The following IMMP1L variants were observed in gnomAD, a reference collection of about 807,000 sequenced individuals.
The protein encoded by IMMP1L is mitochondrial inner membrane protease subunit 1.
In IMMP1L, 24 loss-of-function variants were observed where a neutral mutation model predicts 21.8. The observed-to-expected ratio is 1.10, with a 90% CI of 0.80 to 1.55. IMMP1L has a LOEUF of 1.55. Ranked by LOEUF, IMMP1L falls within the 40% of genes most tolerant of loss-of-function variation. The probability of loss-of-function intolerance (pLI) is 0.00; values close to 1 mark genes in which losing one functional copy is unlikely to be tolerated. For synonymous variants in IMMP1L, 46 were observed against 62.8 expected (o/e 0.73, Z 1.26); for missense variants, 195 against 200.7 (o/e 0.97, Z 0.17).
In IMMP1L at chr11:31,500,888, C is replaced by T. The variant is rs78319158; in HGVS notation, c.-30+8631G>A. ...GTTGTAACAGAGACCATATGGACTA[C>T]AAGGCCTAAAATATTTACTATTTGG... On this transcript the variant is annotated intron_variant, in intron 1 of 5. Coordinates refer to ENST00000532287, the MANE Select transcript of IMMP1L (RefSeq NM_001304274.2). Among the ~76,000 whole-genome samples, 1,283 of 152,302 alleles carry T rather than the reference C, an allele frequency of 8.4e-3. 9 individuals are homozygous for T. Among genetic ancestry groups the T allele is most frequent in the Middle Eastern group, 0.027 (8 of 294 alleles).
chr11:31,445,090 T>C (rs1953469848), intron 4 of IMMP1L, among the ~76,000 whole-genome samples: 1 of 152,250 alleles, frequency 6.6e-6, no homozygotes, highest in South Asian at 2.1e-4. Flanking sequence ...CTCTGCACTT[T>C]CATTTTAATA....
intron 4 of IMMP1L, among the ~76,000 whole-genome samples, chr11:31,436,921 A>G (rs1454221348): frequency 1.3e-5 from 2 of 152,206 alleles, no homozygotes; most frequent in African/African-American, 4.8e-5. Flanking sequence ...TGAAATCCAT[A>G]CATGTTAATG....
intron 1 of IMMP1L, chr11:31,477,517 G>C: frequency 1.0e-6 from 1 of 983,332 alleles, no homozygotes; most frequent in South Asian, 4.7e-5. Context: ...TTTTGTTGTT[G>C]TTGTTTATAA....
intron 1 of IMMP1L, among the ~76,000 whole-genome samples, chr11:31,486,065 T>C (rs943610893): frequency 1.3e-5 from 2 of 151,692 alleles, no homozygotes; most frequent in African/African-American, 4.8e-5. Context: ...CCCTTTTTTT[T>C]TTTGTAATGA....
At position 31,463,255 on chromosome 11, in the gene IMMP1L, T is replaced by TC; in HGVS notation, c.21dup (p.Lys8GlufsTer21). 6.2e-7 allele frequency: 1 copy of TC among 1,612,606 alleles called. No homozygotes were observed. Among genetic ancestry groups the TC allele is most frequent in the Non-Finnish European group, 8.5e-7 (1 of 1,179,350 alleles). On this transcript the variant is annotated frameshift_variant, in exon 2 of 6. Coordinates refer to ENST00000532287, the MANE Select transcript of IMMP1L (RefSeq NM_001304274.2). LOFTEE classifies it high-confidence loss of function. The stretch of plus-strand genomic sequence containing the variant: ...GTATAGCCAACAAGTCGAAAGGTTT[T>TC]CCCCAGAACACCACGAAGCATAGTT...
chr11:31,472,833 T>A (rs1271505254), intron 1 of IMMP1L, among the ~76,000 whole-genome samples: 1 of 152,166 alleles, frequency 6.6e-6, no homozygotes, highest in East Asian at 1.9e-4. Flanking sequence ...AACAACCCTA[T>A]GAGAACTTAG....
intron 1 of IMMP1L, among the ~76,000 whole-genome samples, chr11:31,475,655 G>C (rs908497870): frequency 6.6e-6 from 1 of 152,156 alleles, no homozygotes; most frequent in African/African-American, 2.4e-5. Flanking sequence ...CTGACATCAT[G>C]AGTTGCCTGT....
chr11:31,466,817 T>A (rs1954372608), intron 1 of IMMP1L, among the ~76,000 whole-genome samples: 1 of 151,888 alleles, frequency 6.6e-6, no homozygotes, highest in African/African-American at 2.4e-5. Context: ...TACAGCTAGA[T>A]AGGAGGAATA....
intron 1 of IMMP1L, among the ~76,000 whole-genome samples, chr11:31,492,650 C>T (rs1955294413): frequency 6.6e-6 from 1 of 152,072 alleles, no homozygotes; most frequent in Admixed American, 6.6e-5. Context: ...ACTTAAAGAC[C>T]ACTTTAAAGA....
intron 5 of IMMP1L, among the ~76,000 whole-genome samples, chr11:31,432,984 G>A (rs1286027025): frequency 6.6e-6 from 1 of 152,152 alleles, no homozygotes; most frequent in Non-Finnish European, 1.5e-5. Context: ...ATTCATGAAT[G>A]TTTTTCTCCT....
At chr11:31,479,069 T>G (rs1332616767) in intron 1 of IMMP1L, among the ~76,000 whole-genome samples, 1 of 152,048 alleles carries the variant, frequency 6.6e-6, no homozygotes, top group Admixed American at 6.6e-5. Context: ...AAAGACTGAT[T>G]CATATACATT....
intron 1 of IMMP1L, among the ~76,000 whole-genome samples, chr11:31,493,443 C>G (rs2133798888): frequency 6.6e-6 from 1 of 152,074 alleles, no homozygotes; most frequent in South Asian, 2.1e-4. Context: ...TTACCTCCTA[C>G]CAGTTCCCTT....
At chr11:31,470,552 G>C (rs187815494) in intron 1 of IMMP1L, among the ~76,000 whole-genome samples, 105 of 151,642 alleles carry the variant, frequency 6.9e-4, no homozygotes, top group Non-Finnish European at 1.2e-3. Context: ...ATATTTTACA[G>C]GACATAAAAC....
chr11:31,460,436 A>AT (rs1160277044), intron 3 of IMMP1L, among the ~76,000 whole-genome samples, 190 bp downstream of exon 3: 1 of 152,214 alleles, frequency 6.6e-6, no homozygotes, highest in Non-Finnish European at 1.5e-5. Context: ...AAGACACTGC[A>AT]TATGTTTGAG....
At chr11:31,477,172 A>G (rs1954755690) in intron 1 of IMMP1L, 1 of 152,174 alleles carries the variant, frequency 6.6e-6, no homozygotes, top group African/African-American at 2.4e-5. Flanking sequence ...AGCAGTCAAA[A>G]ACAGGTAAAA....
chr11:31,489,974 C>T (rs1426653998), intron 1 of IMMP1L, among the ~76,000 whole-genome samples: 1 of 152,068 alleles, frequency 6.6e-6, no homozygotes, highest in East Asian at 1.9e-4. Flanking sequence ...TTTTTAAATT[C>T]GATCTTGAAA....
chr11:31,466,985 T>C lies in IMMP1L; in HGVS notation c.-29-3680A>G, dbSNP rs187631892. Among the ~76,000 whole-genome samples, 36 of 152,266 alleles carry C rather than the reference T, an allele frequency of 2.4e-4. No homozygotes were observed. The East Asian group carries it at 3.1e-3, about 13-fold the overall frequency. ...TAATTACCCTGATTTGATCATTATA[T>C]ACTGTATACATGTAACACAATATCA... On this transcript the variant is annotated intron_variant, in intron 1 of 5. Transcript: ENST00000532287.
intron 1 of IMMP1L, among the ~76,000 whole-genome samples, chr11:31,465,208 A>C (rs958897411): frequency 3.9e-5 from 6 of 152,102 alleles, no homozygotes; most frequent in African/African-American, 1.4e-4. Context: ...ATGGCTATAA[A>C]ACATTAAAAA....
intron 4 of IMMP1L, among the ~76,000 whole-genome samples, chr11:31,449,739 AT>A (rs1225631742): frequency 6.6e-6 from 1 of 152,230 alleles, no homozygotes; most frequent in African/African-American, 2.4e-5. Context: ...ATGGATTACT[AT>A]TTGGTGAACA....
Sources: gnomAD v4.1 joint callset for allele counts (sites outside exome capture counted in the v4.1 genomes callset) on GRCh38, gnomAD v4.1.1 for gene constraint, MANE v1.5 for transcripts, NCBI Gene and HGNC (gene_info 2026-07-23, HGNC 2026-07-21) for gene names.